IL19: variants seen among roughly 807,000 people sequenced by gnomAD.
The protein encoded by IL19 is interleukin-19.
IL19 carries 15 observed loss-of-function variants against 19.5 expected under a neutral mutation model. The observed-to-expected ratio is 0.77, with a 90% confidence interval of 0.52 to 1.19. The LOEUF (loss-of-function observed/expected upper bound fraction) is 1.19. Ranked by LOEUF, IL19 falls within the 50% of genes most tolerant of loss-of-function variation. The probability of loss-of-function intolerance (pLI) is 0.00; values close to 1 mark genes in which losing one functional copy is unlikely to be tolerated. For synonymous variants in IL19, 78 were observed against 78.3 expected, an observed-to-expected ratio of 1.00 and a Z score of 0.02; for missense variants, 199 against 213.1, an observed-to-expected ratio of 0.93 and a Z score of 0.41.
At chr1:206,805,710 TA>T (rs1675829932) in intron 2 of IL19, among the ~76,000 whole-genome samples, 2 of 152,208 alleles carry the variant, frequency 1.3e-5, no homozygotes. Flanking sequence ...ATCAAAGAGC[TA>T]ACCTACACAT....
In IL19 at chr1:206,793,454, G is replaced by A. The variant is rs937696912; in HGVS notation, c.-148-5407G>A. 3.9e-5 allele frequency among the ~76,000 whole-genome samples: 6 copies of A among 152,166 alleles called. No homozygotes were observed. The East Asian group carries it at 1.2e-3, about 29-fold the overall frequency. On this transcript the variant is annotated intron_variant, in intron 1 of 6. Coordinates refer to ENST00000659997, the MANE Select transcript of IL19 (RefSeq NM_153758.5). Reference sequence around the variant, plus strand: ...CCCTTGAGGGATTCCCCGACTGTGCGGCCTGGCAGTCGTGCTCTGATCGAA... The same window carrying A: ...CCCTTGAGGGATTCCCCGACTGTGCAGCCTGGCAGTCGTGCTCTGATCGAA...
intron 5 of IL19, chr1:206,840,353 C>T (rs1051277881): frequency 1.5e-5 from 6 of 391,234 alleles, no homozygotes; most frequent in Non-Finnish European, 2.9e-5. Context: ...ATCAATAAAC[C>T]TCTGGGTAGT....
intron 1 of IL19, among the ~76,000 whole-genome samples, chr1:206,779,828 T>C (rs1347577710): frequency 1.3e-5 from 2 of 151,988 alleles, no homozygotes; most frequent in Non-Finnish European, 1.5e-5. Flanking sequence ...TTCTTTTTTT[T>C]CAAATGATCC....
intron 2 of IL19, among the ~76,000 whole-genome samples, chr1:206,829,292 GT>G (rs1676525634): frequency 6.6e-6 from 1 of 152,154 alleles, no homozygotes; most frequent in South Asian, 2.1e-4. Context: ...GAAATTCAAA[GT>G]TAAATATGCA....
intron 2 of IL19, among the ~76,000 whole-genome samples, chr1:206,817,270 T>G (rs1480562612): frequency 6.6e-6 from 1 of 152,202 alleles, no homozygotes; most frequent in African/African-American, 2.4e-5. Context: ...GACCTCCCTT[T>G]CCTTCCACCA....
intron 2 of IL19, among the ~76,000 whole-genome samples, chr1:206,823,549 C>CT (rs201192866): frequency 0.012 from 1,717 of 148,558 alleles, 21 homozygotes; most frequent in Admixed American, 0.018. Flanking sequence ...GAGACTCCGT[C>CT]TAAAAAAAAA....
At chr1:206,837,447 G>A (rs561040146) in intron 4 of IL19, among the ~76,000 whole-genome samples, 1 of 152,258 alleles carries the variant, frequency 6.6e-6, no homozygotes, top group South Asian at 2.1e-4. Flanking sequence ...AGGTGACCAG[G>A]TTTGTGACCC....
At chr1:206,833,523 G>A (rs1006356129) in intron 2 of IL19, among the ~76,000 whole-genome samples, 2 of 152,306 alleles carry the variant, frequency 1.3e-5, no homozygotes, top group Admixed American at 1.3e-4. Context: ...TTACCCCCTG[G>A]AAATTTTATT....
intron 1 of IL19, among the ~76,000 whole-genome samples, chr1:206,776,590 G>A (rs1675001772): frequency 6.6e-6 from 1 of 152,090 alleles, no homozygotes; most frequent in Non-Finnish European, 1.5e-5. Flanking sequence ...GGGACTGAGA[G>A]ACAGGACTAG....
chr1:206,836,918 T>C, intron 3 of IL19, 40 bp from the exon 4 acceptor site: 2 of 1,601,486 alleles, frequency 1.2e-6, no homozygotes, highest in Non-Finnish European at 1.7e-6. Flanking sequence ...GAACATAGGA[T>C]ACCGATTGCT....
Position 206,810,905 on chromosome 1 carries a change from C to CAT in IL19, c.-3+11900_-3+11901dup, listed in dbSNP as rs1558614715. Among the ~76,000 whole-genome samples the CAT allele has an allele frequency of 2.0e-5, 3 of 152,288 alleles. No homozygotes were observed. In the East Asian group the frequency reaches 5.8e-4, roughly 29 times the overall value. ...GAGCTAGTTGTTTAAAAGAGCATGG[C>CAT]ATCTCTCTTGCTTCCTATCTCACCA... On this transcript the variant is annotated intron_variant, in intron 2 of 6. Transcript: ENST00000659997.
intron 1 of IL19, among the ~76,000 whole-genome samples, chr1:206,791,823 A>G (rs1675412312): frequency 6.6e-6 from 1 of 152,240 alleles, no homozygotes; most frequent in African/African-American, 2.4e-5. Flanking sequence ...TTTTAAAAAT[A>G]GGTTGTAACT....
intron 1 of IL19, among the ~76,000 whole-genome samples, chr1:206,781,694 G>A (rs1675134416): frequency 6.6e-6 from 1 of 150,828 alleles, no homozygotes; most frequent in Non-Finnish European, 1.5e-5. Context: ...CATAGACTAA[G>A]GGAGAAGGGA....
intron 2 of IL19, among the ~76,000 whole-genome samples, chr1:206,830,800 A>G (rs1182686420): frequency 6.6e-6 from 1 of 152,106 alleles, no homozygotes; most frequent in African/African-American, 2.4e-5. Context: ...GATGGTCTCG[A>G]TCTCCTGACC....
At chr1:206,821,470 C>T (rs535780430) in intron 2 of IL19, among the ~76,000 whole-genome samples, 50 of 152,096 alleles carry the variant, frequency 3.3e-4, no homozygotes, top group African/African-American at 1.2e-3. Context: ...GTTCTTTTTG[C>T]TCTCCCATTA....
chr1:206,838,005 G>A (rs1676858819), intron 4 of IL19, among the ~76,000 whole-genome samples: 1 of 152,192 alleles, frequency 6.6e-6, no homozygotes. Context: ...AATTTTGGAA[G>A]GCCCCATGGG....
intron 1 of IL19, among the ~76,000 whole-genome samples, chr1:206,787,572 C>T (rs745675815): frequency 5.3e-5 from 8 of 152,174 alleles, no homozygotes; most frequent in Non-Finnish European, 1.2e-4. Flanking sequence ...GCCTGGGTTT[C>T]GGTCTTTCTT....
At chr1:206,836,016 C>T (rs950984167) in intron 2 of IL19, among the ~76,000 whole-genome samples, 5 of 152,232 alleles carry the variant, frequency 3.3e-5, no homozygotes, top group Admixed American at 6.5e-5. Flanking sequence ...AGGTGACCGA[C>T]GGGAAGTTGC....
intron 1 of IL19, chr1:206,772,189 G>C (rs962974976): frequency 1.6e-6 from 2 of 1,244,008 alleles, no homozygotes; most frequent in African/African-American, 3.0e-5. Context: ...AGGCGCAGGA[G>C]GAGGGTTCTT....
Sources: gnomAD v4.1 joint callset for allele counts (sites outside exome capture counted in the v4.1 genomes callset) on GRCh38, gnomAD v4.1.1 for gene constraint, MANE v1.5 for transcripts, NCBI Gene and HGNC (gene_info 2026-07-23, HGNC 2026-07-21) for gene names.